The following FAAH2 variants were observed in gnomAD, a reference collection of about 807,000 sequenced individuals.
FAAH2 encodes fatty-acid amide hydrolase 2.
FAAH2 carries 60 observed loss-of-function variants against 36.9 expected under a neutral mutation model. That is an observed-to-expected ratio of 1.63 (90% CI 1.32 to 2.02). FAAH2 has a LOEUF of 2.02. FAAH2 is among the 30% of genes most tolerant of loss of function. The probability of loss-of-function intolerance (pLI) is 0.00; values close to 1 mark genes in which losing one functional copy is unlikely to be tolerated. For synonymous variants in FAAH2, 214 were observed against 143.8 expected (o/e 1.49, Z -3.49); for missense variants, 689 against 397.5 (o/e 1.73, Z -6.23).
intron 3 of FAAH2, among the ~76,000 whole-genome samples, chrX:57,314,059 A>G (rs911368406): frequency 1.8e-5 from 2 of 112,027 alleles, no homozygotes; most frequent in African/African-American, 6.5e-5. Context: ...TCATGCAAAC[A>G]GGAAACAAAA....
intron 8 of FAAH2, among the ~76,000 whole-genome samples, chrX:57,438,865 C>T (rs2056478431): frequency 9.5e-6 from 1 of 105,502 alleles, no homozygotes; most frequent in Non-Finnish European, 1.9e-5. Context: ...GGTTTTTTGT[C>T]CTTGCGATAG....
chrX:57,136,016 C>G, the FAAH2 span: 1 of 1,202,079 alleles, frequency 8.3e-7, no homozygotes, highest in African/African-American at 1.8e-5. Context: ...TTGGAGGAGA[C>G]TCACTGGATT....
rs1407282860 is a variant in FAAH2, at chrX:57,352,102, ATATATGTGTATATATATG to A, written c.742+10713_742+10730del. Among the ~76,000 whole-genome samples, 13 of 49,151 alleles carry A rather than the reference ATATATGTGTATATATATG, an allele frequency of 2.6e-4. 1 individual carries two copies. The highest frequency in any genetic ancestry group is 8.2e-4 in the Admixed American group (3 of 3,642). The allele number at this position is 49,151 out of a possible 115,157, so 42.7% of individuals were successfully genotyped here. A position where few individuals can be genotyped will look rare whatever the true frequency, so the allele number is the denominator to read the frequency against. On this transcript the variant is annotated intron_variant, in intron 5 of 10. Transcript: ENST00000374900. ...TATGTGTATATATATGCACATATAT[ATATATGTGTATATATATG>A]CACATATATATATATGTGTATATAT...
At chrX:57,305,146 A>G (rs1349616246) in intron 2 of FAAH2, among the ~76,000 whole-genome samples, 1 of 110,551 alleles carries the variant, frequency 9.0e-6, no homozygotes, top group Non-Finnish European at 1.9e-5. Context: ...GACTTCAAAT[A>G]TCATTTGAAC....
intron 2 of FAAH2, among the ~76,000 whole-genome samples, chrX:57,304,335 C>A (rs181792474): frequency 8.9e-6 from 1 of 112,528 alleles, no homozygotes; most frequent in Non-Finnish European, 1.9e-5. Flanking sequence ...GGAAAATATA[C>A]TATCCCACAA....
At chrX:57,230,757 A>T in the FAAH2 span, among the ~76,000 whole-genome samples, 1 of 111,450 alleles carries the variant, frequency 9.0e-6, no homozygotes, top group African/African-American at 3.3e-5. Flanking sequence ...TGAGGACCTG[A>T]ATAATTCAAA....
chrX:57,411,577 C>T (rs907661047), intron 7 of FAAH2, among the ~76,000 whole-genome samples: 1 of 111,600 alleles, frequency 9.0e-6, no homozygotes, highest in African/African-American at 3.3e-5. Flanking sequence ...TATGTGTTTC[C>T]TCTCCTTTTC....
At chrX:57,306,862 T>C (rs1356041801) in intron 2 of FAAH2, among the ~76,000 whole-genome samples, 1 of 92,726 alleles carries the variant, frequency 1.1e-5, no homozygotes, top group Admixed American at 1.3e-4. Flanking sequence ...TGTATATATA[T>C]ACACACTATA....
At chrX:57,292,975 A>T (rs2052028889) in intron 2 of FAAH2, among the ~76,000 whole-genome samples, 1 of 111,709 alleles carries the variant, frequency 9.0e-6, no homozygotes, top group East Asian at 2.8e-4. Flanking sequence ...AGTAGATAGT[A>T]TTTTATATAG....
At chrX:57,254,714 C>A in the FAAH2 span, among the ~76,000 whole-genome samples, 14 of 111,706 alleles carry the variant, frequency 1.3e-4, no homozygotes, top group African/African-American at 2.9e-4. Flanking sequence ...TAAAGAAGTT[C>A]TTTGAAACCA....
At chrX:57,130,531 G>T in the FAAH2 span, among the ~76,000 whole-genome samples, 1 of 112,173 alleles carries the variant, frequency 8.9e-6, no homozygotes, top group Admixed American at 9.4e-5. Context: ...CATTTAAAAG[G>T]AGGTCTGTCA....
intron 5 of FAAH2, among the ~76,000 whole-genome samples, chrX:57,351,542 A>C (rs2053999271): frequency 9.0e-6 from 1 of 110,848 alleles, no homozygotes; most frequent in South Asian, 3.7e-4. Context: ...AGAATCAATG[A>C]AATTTGAAGT....
intron 4 of FAAH2, 94 bp from the exon 5 acceptor site, chrX:57,341,177 C>T (rs2147054941): frequency 2.1e-6 from 2 of 936,513 alleles, no homozygotes; most frequent in African/African-American, 2.0e-5. Flanking sequence ...GATCTAAAGA[C>T]ACAAAAAGGT....
intron 5 of FAAH2, among the ~76,000 whole-genome samples, chrX:57,352,141 T>C (rs2054038644): frequency 1.2e-5 from 1 of 80,283 alleles, no homozygotes; most frequent in African/African-American, 4.6e-5. Flanking sequence ...TATATGTGTA[T>C]ATATATGCAC....
chrX:57,296,753 C>A (rs1208019333), intron 2 of FAAH2, among the ~76,000 whole-genome samples: 1 of 111,415 alleles, frequency 9.0e-6, no homozygotes, highest in Non-Finnish European at 1.9e-5. Context: ...GCAGAGAAGT[C>A]CTTAAAGGAC....
chrX:57,468,828 A>C (rs1361633726), intron 10 of FAAH2, among the ~76,000 whole-genome samples: 6 of 111,853 alleles, frequency 5.4e-5, no homozygotes, highest in Non-Finnish European at 1.1e-4. Context: ...GAAGGAAAAA[A>C]TATTAAGGGC....
intron 8 of FAAH2, among the ~76,000 whole-genome samples, chrX:57,442,165 G>T (rs919330393): frequency 2.2e-4 from 24 of 110,852 alleles, no homozygotes; most frequent in Non-Finnish European, 4.1e-4. Flanking sequence ...GGATATCCTT[G>T]TTAACTTTCT....
intron 3 of FAAH2, among the ~76,000 whole-genome samples, chrX:57,319,318 C>T (rs1298975753): frequency 8.9e-6 from 1 of 112,090 alleles, no homozygotes; most frequent in African/African-American, 3.2e-5. Flanking sequence ...GCAACTTCAG[C>T]AAAGTCTCAG....
At chrX:57,248,963 T>G in the FAAH2 span, among the ~76,000 whole-genome samples, 1 of 109,785 alleles carries the variant, frequency 9.1e-6, no homozygotes, top group African/African-American at 3.3e-5. Context: ...TGCCTAATTC[T>G]GCCAATATGT....
Sources: gnomAD v4.1 joint callset for allele counts (sites outside exome capture counted in the v4.1 genomes callset) on GRCh38, gnomAD v4.1.1 for gene constraint, MANE v1.5 for transcripts, NCBI Gene and HGNC (gene_info 2026-07-23, HGNC 2026-07-21) for gene names.